Variants in SNX31 observed in about 807,000 individuals in gnomAD.
SNX31 encodes sorting nexin 31.
A neutral mutation model predicts 65.4 loss-of-function variants in SNX31; 58 were observed. The observed-to-expected ratio is 0.89, with a 90% confidence interval of 0.72 to 1.10. The LOEUF (loss-of-function observed/expected upper bound fraction) is 1.10. SNX31 is among the 50% of genes least tolerant of loss of function. SNX31 has a pLI of 0.00. For missense variants in SNX31, 523 were observed against 529.7 expected (o/e 0.99, Z 0.12); for synonymous variants, 181 against 190.1 (o/e 0.95, Z 0.39).
intron 10 of SNX31, among the ~76,000 whole-genome samples, chr8:100,596,046 C>A (rs1053092579): frequency 6.6e-6 from 1 of 152,154 alleles, no homozygotes; most frequent in South Asian, 2.1e-4. Flanking sequence ...ATGGATTTAA[C>A]AAGTGGGTGT....
Position 100,625,591 on chromosome 8 carries a change from G to A in SNX31, c.321+4736C>T, listed in dbSNP as rs1181472950. ...CCTGCCCTCTCTTTAGAAGCAAACA[G>A]AAAACAATGAAAAGGAAAGCATCCT... is the stretch of plus-strand genomic sequence containing the variant. On this transcript the variant is annotated intron_variant, in intron 4 of 13. Transcript: ENST00000311812. This position sits in a 1 kb window ranked among gnomAD's most constrained non-coding sequence, Gnocchi z 4.2. 1.3e-5 allele frequency among the ~76,000 whole-genome samples: 2 copies of A among 152,164 alleles called. No individual in the cohort carries two copies. The highest frequency in any genetic ancestry group is 3.9e-4 in the East Asian group (2 of 5,184).
chr8:100,657,965 T>C (rs909325811), intron 1 of SNX31: 8 of 359,704 alleles, frequency 2.2e-5, no homozygotes, highest in African/African-American at 4.3e-5. Context: ...GTTACCACTG[T>C]GAAAAATCAC....
rs898439131 is a variant in SNX31, at chr8:100,660,183, C to G, written c.-58+2959G>C. ...GAGCACTTACCATCTTCCAGAGAAC[C>G]ATTTTACGTAAACTACTTTGTTCAA... On this transcript the variant is annotated intron_variant, in intron 1 of 5. Coordinates refer to the SNX31 transcript ENST00000520352. The surrounding 1 kb of genome is among the most constrained non-coding windows in gnomAD (Gnocchi z 4.1). Among the ~76,000 whole-genome samples, 52 of 152,244 alleles carry G rather than the reference C, an allele frequency of 3.4e-4. No homozygotes were observed. Among genetic ancestry groups the G allele is most frequent in the African/African-American group, 1.3e-3 (52 of 41,556 alleles).
Position 100,584,102 on chromosome 8 carries a change from A to G in SNX31, c.1170+9T>C. Reference sequence around the variant, plus strand: ...AAAGTGAAAAATAGACACAGATAAGAGCACTCACCATTTCTGTATTCTCAG... The same window carrying G: ...AAAGTGAAAAATAGACACAGATAAGGGCACTCACCATTTCTGTATTCTCAG... On this transcript the variant is annotated intron_variant, in intron 12 of 13. Transcript: ENST00000311812. The G allele has an allele frequency of 6.2e-7, 1 of 1,601,036 alleles. No individual in the cohort carries two copies. The highest frequency in any genetic ancestry group is 8.5e-7 in the Non-Finnish European group (1 of 1,174,434).
In SNX31 at chr8:100,625,302, A is replaced by T. The variant is rs116435173; in HGVS notation, c.321+5025T>A. On this transcript the variant is annotated intron_variant, in intron 4 of 13. Transcript: ENST00000311812. The surrounding 1 kb of genome is among the most constrained non-coding windows in gnomAD (Gnocchi z 4.2). ...AGGAACATTCTTAAGAATGTTTTCC[A>T]TTTCCCTTGTAGAGAAATGACAGCG... 6.6e-6 allele frequency among the ~76,000 whole-genome samples: 1 copy of T among 151,878 alleles called. No homozygotes were observed. The highest frequency in any genetic ancestry group is 2.4e-5 in the African/African-American group (1 of 41,334).
In SNX31 at chr8:100,609,927, A is replaced by G. The variant is rs1304095122; in HGVS notation, c.612-1364T>C. ...CACCCAGGCATCTCTCCTTAAGGAC[A>G]GAGAAGTCCTTAAGACGCCACTTAG... On this transcript the variant is annotated intron_variant, in intron 7 of 13. Coordinates refer to ENST00000311812, the MANE Select transcript of SNX31 (RefSeq NM_152628.4). This position sits in a 1 kb window ranked among gnomAD's most constrained non-coding sequence, Gnocchi z 4.9. 6.6e-6 allele frequency among the ~76,000 whole-genome samples: 1 copy of G among 152,212 alleles called. No homozygotes were observed. Among genetic ancestry groups the G allele is most frequent in the Non-Finnish European group, 1.5e-5 (1 of 68,036 alleles).
chr8:100,601,069 G>A (rs1815579733), intron 8 of SNX31, among the ~76,000 whole-genome samples: 1 of 152,096 alleles, frequency 6.6e-6, no homozygotes, highest in Non-Finnish European at 1.5e-5. Flanking sequence ...CACAGATATT[G>A]GAAAAAATAT....
intron 1 of SNX31, among the ~76,000 whole-genome samples, chr8:100,656,994 C>A (rs1820062840): frequency 6.6e-6 from 1 of 152,206 alleles, no homozygotes; most frequent in African/African-American, 2.4e-5. Flanking sequence ...GGTGCAAGAG[C>A]AAGCATTCGA....
chr8:100,659,915 T>C (rs1809753061), intron 1 of SNX31, among the ~76,000 whole-genome samples: 1 of 152,190 alleles, frequency 6.6e-6, no homozygotes, highest in African/African-American at 2.4e-5. Context: ...TATTCTGCTT[T>C]CATAGGTAAA....
At position 100,573,747 on chromosome 8, in the gene SNX31, A is replaced by G. The variant is rs1812801978; in HGVS notation, c.*118T>C. ...ATGAATACAGTCCATGTTAATGCCA[A>G]AAAAATGGGAAGAGGTCAAATTTCC... On this transcript the variant is annotated 3_prime_UTR_variant, in exon 14 of 14. Coordinates refer to ENST00000311812, the MANE Select transcript of SNX31 (RefSeq NM_152628.4). 1 of 610,368 alleles carries G rather than the reference A, an allele frequency of 1.6e-6. No homozygotes were observed. Among genetic ancestry groups the G allele is most frequent in the Non-Finnish European group, 2.8e-6 (1 of 358,064 alleles). The allele number at this position is 610,368 out of a possible 1,614,324, so 37.8% of individuals were successfully genotyped here. A position where few individuals can be genotyped will look rare whatever the true frequency, so the allele number is the denominator to read the frequency against.
At chr8:100,595,737 G>T (rs1815022456) in intron 10 of SNX31, among the ~76,000 whole-genome samples, 1 of 152,196 alleles carries the variant, frequency 6.6e-6, no homozygotes, top group Non-Finnish European at 1.5e-5. Flanking sequence ...GGACTCGTCT[G>T]CTTCAGGGAA....
rs934325528 is a variant in SNX31, at chr8:100,609,001, T to C, written c.612-438A>G. Among the ~76,000 whole-genome samples, 5 of 152,238 alleles carry C rather than the reference T, an allele frequency of 3.3e-5. No individual in the cohort carries two copies. The highest frequency in any genetic ancestry group is 7.2e-5 in the African/African-American group (3 of 41,460). On this transcript the variant is annotated intron_variant, in intron 7 of 13. Coordinates refer to ENST00000311812, the MANE Select transcript of SNX31 (RefSeq NM_152628.4). The surrounding 1 kb of genome is among the most constrained non-coding windows in gnomAD (Gnocchi z 4.9). The stretch of plus-strand genomic sequence containing the variant: ...CTGGGAGCCTCCTTTCCAGGCTTTC[T>C]GTCTCAGCCATGTGCCCTTAATCTG...
rs1480181067 is a variant in SNX31 at position 100,611,954 on chromosome 8, G to A, written c.611+46C>T. 2.7e-6 allele frequency: 4 copies of A among 1,454,884 alleles called. No homozygotes were observed. In the Admixed American group the frequency reaches 6.7e-5, roughly 24 times the overall value. The allele number at this position is 1,454,884 out of a possible 1,614,324, so 90.1% of individuals were successfully genotyped here. On this transcript the variant is annotated intron_variant, in intron 7 of 13. Coordinates refer to ENST00000311812, the MANE Select transcript of SNX31 (RefSeq NM_152628.4). Reference sequence around the variant, plus strand: ...ACTCTGGTAAGTCCTGATGGGCAATGGCGAAGTGTCGTCAAACGCCTCTGT... The same window carrying A: ...ACTCTGGTAAGTCCTGATGGGCAATAGCGAAGTGTCGTCAAACGCCTCTGT...
intron 2 of SNX31, among the ~76,000 whole-genome samples, chr8:100,644,023 A>T (rs1429028401): frequency 6.6e-6 from 1 of 152,174 alleles, no homozygotes; most frequent in Non-Finnish European, 1.5e-5. Flanking sequence ...CAGGTAGACT[A>T]AAACCAGGAG....
At chr8:100,601,774 T>C (rs1220881613) in intron 8 of SNX31, among the ~76,000 whole-genome samples, 1 of 152,208 alleles carries the variant, frequency 6.6e-6, no homozygotes, top group African/African-American at 2.4e-5. Context: ...AGAACGACAC[T>C]GGGCTCAAAG....
chr8:100,580,385 T>C (rs555811498), intron 12 of SNX31, among the ~76,000 whole-genome samples: 5 of 152,314 alleles, frequency 3.3e-5, no homozygotes, highest in Admixed American at 2.6e-4. Flanking sequence ...GTTTACTCCA[T>C]TATCCATTCC....
In SNX31 at chr8:100,649,478, G is replaced by A; in HGVS notation, c.37C>T (p.Arg13Trp). The A allele has an allele frequency of 7.1e-7, 1 of 1,405,222 alleles. No homozygotes were observed. Among genetic ancestry groups the A allele is most frequent in the African/African-American group, 1.5e-5 (1 of 68,290 alleles). The allele number at this position is 1,405,222 out of a possible 1,614,324, so 87.0% of individuals were successfully genotyped here. Residue 13 changes from arginine (R) to tryptophan (W), a missense_variant, in exon 1 of 14, where the codon CGG (arginine) becomes TGG (tryptophan). Arg to Trp is a moderately radical substitution (Grantham distance 101). Coordinates refer to ENST00000311812, the MANE Select transcript of SNX31 (RefSeq NM_152628.4). ...TAGCGGCCCCCCAGCGCGTCGGACC[G>A]CTGCTGGGACACCGGGATACAGAAA... ...MHFCIPVSQQ[R>W]SDALGGRYVL...
chr8:100,644,229 C>T (rs759669757), intron 2 of SNX31, among the ~76,000 whole-genome samples: 1 of 152,172 alleles, frequency 6.6e-6, no homozygotes, highest in South Asian at 2.1e-4. Context: ...ACTGACGGGT[C>T]CTTTGCAAGC....
intron 2 of SNX31, among the ~76,000 whole-genome samples, chr8:100,639,488 G>A (rs1819007608): frequency 6.6e-6 from 1 of 152,180 alleles, no homozygotes; most frequent in African/African-American, 2.4e-5. Context: ...ACAAGTAAAT[G>A]AATGGCAGAT....
Sources: allele counts gnomAD v4.1 joint callset (sites outside exome capture counted in the v4.1 genomes callset), GRCh38; gene constraint gnomAD v4.1.1; non-coding constraint Gnocchi (gnomAD v3.1); transcripts MANE v1.5; gene names NCBI Gene and HGNC (gene_info 2026-07-23, HGNC 2026-07-21).